SLC25A27: variants seen among roughly 807,000 people sequenced by gnomAD.
SLC25A27 encodes the protein mitochondrial uncoupling protein 4.
A neutral mutation model predicts 49.1 loss-of-function variants in SLC25A27; 35 were observed. The ratio of observed to expected loss-of-function variants is 0.71; its 90% CI spans 0.54 to 0.95. The LOEUF is 0.95. Among genes scored for constraint, SLC25A27 ranks in the 40% least tolerant of loss-of-function variants. SLC25A27 has a pLI of 0.00. For missense variants in SLC25A27, 339 were observed against 397.1 expected, an observed-to-expected ratio of 0.85 and a Z score of 1.24; for synonymous variants, 144 against 136.9, an observed-to-expected ratio of 1.05 and a Z score of -0.36.
At chr6:46,667,199 C>G (rs897344550) in intron 5 of SLC25A27, among the ~76,000 whole-genome samples, 10 of 152,082 alleles carry the variant, frequency 6.6e-5, no homozygotes, top group African/African-American at 2.4e-4. Flanking sequence ...CACTCAAAAC[C>G]TTGCAGTTGT....
chr6:46,658,235 A>G (rs1167899982), intron 2 of SLC25A27, among the ~76,000 whole-genome samples: 2 of 152,210 alleles, frequency 1.3e-5, no homozygotes, highest in Non-Finnish European at 2.9e-5. Context: ...TCCAAGTTGT[A>G]TATTTTTGAG....
intron 8 of SLC25A27, among the ~76,000 whole-genome samples, chr6:46,674,140 G>A (rs1301486130): frequency 1.3e-5 from 2 of 152,088 alleles, no homozygotes; most frequent in East Asian, 1.9e-4. Context: ...CAAAGGATGG[G>A]ACCACTTTGT....
chr6:46,664,976 T>G, intron 5 of SLC25A27, 90 bp downstream of exon 5: 1 of 580,174 alleles, frequency 1.7e-6, no homozygotes, highest in Non-Finnish European at 2.9e-6. Flanking sequence ...TTATGTTTTA[T>G]TTTTAATATA....
At position 46,656,026 on chromosome 6, in the gene SLC25A27, G is replaced by T; in HGVS notation, c.290G>T (p.Arg97Ile). 1 of 1,610,236 alleles carries T rather than the reference G, an allele frequency of 6.2e-7. No homozygotes were observed. The highest frequency in any genetic ancestry group is 8.5e-7 in the Non-Finnish European group (1 of 1,178,662). ...CAAGGAGTGACACCCGCCATTTACAGACACGTAGGTATTTATCTTGATTCT... is the reference window on the plus strand; with the variant it reads ...CAAGGAGTGACACCCGCCATTTACATACACGTAGGTATTTATCTTGATTCT... ...LWQGVTPAIY[R>I]HVVYSGGRMV... The change falls in exon 2 of 9, where the codon AGA becomes ATA. Residue 97 changes from arginine (R) to isoleucine (I), a missense_variant. Physicochemically the swap from Arg to Ile is moderately conservative, Grantham distance 97 (BLOSUM62 -3). Transcript: ENST00000371347.
chr6:46,671,744 G>C (rs1763553616), intron 8 of SLC25A27, among the ~76,000 whole-genome samples: 2 of 151,864 alleles, frequency 1.3e-5, no homozygotes, highest in African/African-American at 4.8e-5. Flanking sequence ...TTAAGATATA[G>C]AATTAGATAG....
Position 46,676,796 on chromosome 6 carries a change from T to C in SLC25A27, c.*342T>C. 1 of 933,426 alleles carries C rather than the reference T, an allele frequency of 1.1e-6. No homozygotes were observed. The highest frequency in any genetic ancestry group is 1.7e-6 in the Non-Finnish European group (1 of 592,908). 57.8% of individuals were successfully genotyped at this position (933,426 alleles called of 1,614,324 possible). A position where few individuals can be genotyped will look rare whatever the true frequency, so the allele number is the denominator to read the frequency against. ...CTGAAGAGCCTGCTTAGAGGAGGAGTACCAGGAGGGAGCCAGCATTTCAGA... is the reference window on the plus strand; with the variant it reads ...CTGAAGAGCCTGCTTAGAGGAGGAGCACCAGGAGGGAGCCAGCATTTCAGA... On this transcript the variant is annotated 3_prime_UTR_variant, in exon 9 of 9. Transcript: ENST00000371347.
At chr6:46,668,925 A>C (rs879639127) in intron 6 of SLC25A27, 132 bp downstream of exon 6, 81 of 555,140 alleles carry the variant, frequency 1.5e-4, no homozygotes, top group Non-Finnish European at 2.4e-4. Flanking sequence ...TACATTTATA[A>C]AGAGAAATTT....
chr6:46,668,797 A>G lies in SLC25A27; in HGVS notation c.704+4A>G, dbSNP rs781447705. ...TCATGACTCACGGTTTATCAAGGTA[A>G]GGATTGTTTTAGTTGGACTCTGTTT... On this transcript the variant is annotated splice_donor_region_variant and intron_variant, in intron 6 of 8. Transcript: ENST00000371347. 6.4e-7 allele frequency: 1 copy of G among 1,557,850 alleles called. No individual in the cohort carries two copies. The highest frequency in any genetic ancestry group is 1.1e-5 in the South Asian group (1 of 87,482).
chr6:46,668,329 G>C (rs1763391313), intron 5 of SLC25A27, among the ~76,000 whole-genome samples: 1 of 152,176 alleles, frequency 6.6e-6, no homozygotes, highest in Admixed American at 6.5e-5. Flanking sequence ...CAGAGACCCT[G>C]TCTTGAAAAT....
chr6:46,673,397 A>G (rs1377937903), intron 8 of SLC25A27, among the ~76,000 whole-genome samples: 3 of 152,200 alleles, frequency 2.0e-5, no homozygotes, highest in African/African-American at 4.8e-5. Context: ...CTGACACCCA[A>G]TAACACAGCC....
intron 5 of SLC25A27, among the ~76,000 whole-genome samples, chr6:46,665,674 A>G (rs1261736748): frequency 6.6e-6 from 1 of 151,934 alleles, no homozygotes; most frequent in Non-Finnish European, 1.5e-5. Context: ...CAACAGAGCG[A>G]GACTCCATCT....
intron 4 of SLC25A27, among the ~76,000 whole-genome samples, 168 bp downstream of exon 4, chr6:46,662,666 C>T (rs1227576339): frequency 6.6e-6 from 1 of 152,146 alleles, no homozygotes; most frequent in Non-Finnish European, 1.5e-5. Context: ...TTTCTTTGCA[C>T]TAGGAAGTGT....
intron 8 of SLC25A27, among the ~76,000 whole-genome samples, chr6:46,674,736 G>A (rs1039646062): frequency 6.6e-6 from 1 of 152,128 alleles, no homozygotes; most frequent in Non-Finnish European, 1.5e-5. Flanking sequence ...CAAGTCCTCT[G>A]GCCAATGTGT....
chr6:46,663,358 T>C (rs1182773577), intron 4 of SLC25A27, among the ~76,000 whole-genome samples: 3 of 152,114 alleles, frequency 2.0e-5, no homozygotes, highest in African/African-American at 7.2e-5. Context: ...CCCCTCTTCA[T>C]GTAGCTGACT....
rs67622673 is a variant in SLC25A27 at position 46,678,030 on chromosome 6, T to TTATATATATATATATATATATATATA, written c.*1586_*1611dup. ...CAATATGTAATTGCGTTGTAAAATA[T>TTATATATATATATATATATATATATA]TATATATATATATATATATATATAT... On this transcript the variant is annotated 3_prime_UTR_variant, in exon 9 of 9. Transcript: ENST00000371347. The TTATATATATATATATATATATATATA allele has an allele frequency of 9.9e-5, 10 of 100,654 alleles. No individual in the cohort carries two copies. Among genetic ancestry groups the TTATATATATATATATATATATATATA allele is most frequent in the East Asian group, 3.8e-4 (1 of 2,620 alleles). 6.2% of individuals were successfully genotyped at this position (100,654 alleles called of 1,614,324 possible).
In SLC25A27 at chr6:46,667,633, T is replaced by A. The variant is rs187716209; in HGVS notation, c.620-1076T>A. Among the ~76,000 whole-genome samples, 84 of 152,342 alleles carry A rather than the reference T, an allele frequency of 5.5e-4. 1 individual carries two copies. Among genetic ancestry groups the A allele is most frequent in the Admixed American group, 3.2e-3 (49 of 15,304 alleles). ...TTTGCCTGGGGCAATTTCTCTTAGCTATCTACAGGGTTGTTTTCTCATGCT... is the reference window on the plus strand; with the variant it reads ...TTTGCCTGGGGCAATTTCTCTTAGCAATCTACAGGGTTGTTTTCTCATGCT... On this transcript the variant is annotated intron_variant, in intron 5 of 8. Transcript: ENST00000371347.
intron 5 of SLC25A27, among the ~76,000 whole-genome samples, chr6:46,667,424 T>C (rs751532730): frequency 1.1e-4 from 17 of 152,206 alleles, no homozygotes; most frequent in Non-Finnish European, 1.8e-4. Context: ...GATAGTTCTA[T>C]TAAGTTCTAA....
intron 8 of SLC25A27, among the ~76,000 whole-genome samples, chr6:46,674,048 A>C (rs1763660405): frequency 6.6e-6 from 1 of 152,170 alleles, no homozygotes. Flanking sequence ...CTAATGCAGG[A>C]AACTAGGAGG....
intron 4 of SLC25A27, among the ~76,000 whole-genome samples, chr6:46,663,143 A>C (rs1201372003): frequency 6.6e-6 from 1 of 152,154 alleles, no homozygotes; most frequent in Non-Finnish European, 1.5e-5. Context: ...TTCATGTTCA[A>C]CAGTTTATTA....
Sources: gnomAD v4.1 joint callset for allele counts (sites outside exome capture counted in the v4.1 genomes callset) on GRCh38, gnomAD v4.1.1 for gene constraint, MANE v1.5 for transcripts, NCBI Gene and HGNC (gene_info 2026-07-23, HGNC 2026-07-21) for gene names.